Variants in ABCA13 observed in about 807,000 individuals in gnomAD.
ABCA13 encodes the protein ATP binding cassette subfamily A member 13.
In ABCA13, 476 loss-of-function variants were observed where a neutral mutation model predicts 478.7. The observed-to-expected ratio is 0.99, with a 90% confidence interval of 0.92 to 1.07. ABCA13 has a LOEUF of 1.07. ABCA13 is among the 50% of genes least tolerant of loss of function. The probability of loss-of-function intolerance (pLI) is 0.00; values close to 1 mark genes in which losing one functional copy is unlikely to be tolerated. For missense variants in ABCA13, 6,060 were observed against 5,910.6 expected (o/e 1.03, Z -0.83); for synonymous variants, 2,252 against 2,158.9 (o/e 1.04, Z -1.20).
At chr7:48,181,216 T>C (rs1583998081) in intron 1 of ABCA13, among the ~76,000 whole-genome samples, 1 of 152,220 alleles carries the variant, frequency 6.6e-6, no homozygotes, top group Admixed American at 6.5e-5. Context: ...GGAGTTAGTG[T>C]AAGAATGAAT....
intron 55 of ABCA13, among the ~76,000 whole-genome samples, chr7:48,567,410 A>G (rs948581108): frequency 3.3e-5 from 5 of 152,138 alleles, no homozygotes; most frequent in African/African-American, 1.2e-4. Context: ...TATGTTTTAG[A>G]ACATTTAAAA....
chr7:48,205,443 G>T (rs1031123011), intron 3 of ABCA13, among the ~76,000 whole-genome samples: 4 of 152,098 alleles, frequency 2.6e-5, no homozygotes, highest in Non-Finnish European at 5.9e-5. Flanking sequence ...TCTGCGTCTG[G>T]CTTCTCCAAC....
intron 42 of ABCA13, among the ~76,000 whole-genome samples, chr7:48,433,491 T>C (rs1044315375): frequency 3.3e-5 from 5 of 149,416 alleles, no homozygotes; most frequent in Admixed American, 6.7e-5. Flanking sequence ...ATTTATGTAT[T>C]ATATATGATA....
chr7:48,590,914 C>T (rs1789667333), intron 57 of ABCA13, among the ~76,000 whole-genome samples: 3 of 152,058 alleles, frequency 2.0e-5, no homozygotes, highest in African/African-American at 4.8e-5. Flanking sequence ...TTATCCCCCG[C>T]TGTAGTTTGT....
At chr7:48,346,608 C>T (rs937432950) in intron 29 of ABCA13, among the ~76,000 whole-genome samples, 2 of 151,988 alleles carry the variant, frequency 1.3e-5, no homozygotes, top group African/African-American at 4.8e-5. Flanking sequence ...TAAAGATATT[C>T]AGTTGGAGCC....
At chr7:48,551,891 T>G (rs983567548) in intron 55 of ABCA13, among the ~76,000 whole-genome samples, 2 of 151,778 alleles carry the variant, frequency 1.3e-5, no homozygotes, top group African/African-American at 2.4e-5. Flanking sequence ...ATTATCCTAC[T>G]GTCTTCTGAC....
rs1796321619 is a variant in ABCA13 at position 48,276,475 on chromosome 7, C to T, written c.6809C>T (p.Thr2270Ile). 1.2e-6 allele frequency: 2 copies of T among 1,604,912 alleles called. No homozygotes were observed. Among genetic ancestry groups the T allele is most frequent in the South Asian group, 2.2e-5 (2 of 89,724 alleles). The change falls in exon 17 of 62, where the codon ACA becomes ATA. Residue 2270 changes from threonine to isoleucine, a missense_variant. This residue lies in a region of ABCA13 where 4,423 missense variants were observed against 4,309.1 expected (regional missense o/e 1.03). Coordinates refer to ENST00000435803, the MANE Select transcript of ABCA13 (RefSeq NM_152701.5). ...GATTTCACAGAACAGTTTTTGAAAACATTCTTCTCCCTTTTTCTAAAGGAA... is the reference window on the plus strand; with the variant it reads ...GATTTCACAGAACAGTTTTTGAAAATATTCTTCTCCCTTTTTCTAAAGGAA... ...IVDFTEQFLKTFFSLFLKEDS... is the reference protein window; with the variant it reads ...IVDFTEQFLKIFFSLFLKEDS...
intron 3 of ABCA13, among the ~76,000 whole-genome samples, chr7:48,209,410 C>T (rs2128938738): frequency 6.6e-6 from 1 of 152,204 alleles, no homozygotes; most frequent in Non-Finnish European, 1.5e-5. Context: ...CCTTCCTCTT[C>T]AACCTTTTGG....
At chr7:48,531,651 A>G (rs193092745) in intron 55 of ABCA13, among the ~76,000 whole-genome samples, 12 of 149,692 alleles carry the variant, frequency 8.0e-5, no homozygotes, top group African/African-American at 2.9e-4. Flanking sequence ...ATTTGTTTGT[A>G]TCATCTATGA....
intron 48 of ABCA13, among the ~76,000 whole-genome samples, chr7:48,500,878 T>A (rs112438281): frequency 6.6e-6 from 1 of 152,178 alleles, no homozygotes; most frequent in Non-Finnish European, 1.5e-5. Flanking sequence ...TAGGTGACCT[T>A]ACACAGGACA....
At chr7:48,548,812 C>A (rs962966890) in intron 55 of ABCA13, among the ~76,000 whole-genome samples, 3 of 151,634 alleles carry the variant, frequency 2.0e-5, no homozygotes, top group African/African-American at 7.3e-5. Context: ...GCATGCCTTG[C>A]TTGCACAGCT....
At chr7:48,643,913 C>A (rs1795274092) in intron 60 of ABCA13, among the ~76,000 whole-genome samples, 1 of 152,146 alleles carries the variant, frequency 6.6e-6, no homozygotes, top group African/African-American at 2.4e-5. Flanking sequence ...GAATGGGAAT[C>A]TGCATTTTAA....
chr7:48,516,040 C>T (rs1832081842), intron 51 of ABCA13, among the ~76,000 whole-genome samples: 1 of 151,924 alleles, frequency 6.6e-6, no homozygotes, highest in African/African-American at 2.4e-5. Flanking sequence ...CTCTGAAGCC[C>T]CAGGAAGAGT....
At chr7:48,330,485 G>A (rs796197669) in intron 27 of ABCA13, among the ~76,000 whole-genome samples, 48 of 134,970 alleles carry the variant, frequency 3.6e-4, no homozygotes, top group African/African-American at 6.8e-4. Flanking sequence ...CCATCCATCC[G>A]TCCATCCATC....
chr7:48,193,112 C>A, intron 2 of ABCA13, 60 bp downstream of exon 2: 1 of 1,222,550 alleles, frequency 8.2e-7, no homozygotes, highest in Non-Finnish European at 1.1e-6. Flanking sequence ...AAACTCATAG[C>A]ACTCTTTCTT....
chr7:48,431,476 A>T (rs935951104), intron 42 of ABCA13, among the ~76,000 whole-genome samples: 3 of 152,196 alleles, frequency 2.0e-5, no homozygotes, highest in Non-Finnish European at 4.4e-5. Flanking sequence ...ATCTGTTGTG[A>T]TAGGTGGTGT....
intron 2 of ABCA13, among the ~76,000 whole-genome samples, chr7:48,196,366 A>G (rs1562752587): frequency 1.3e-5 from 2 of 152,212 alleles, no homozygotes; most frequent in African/African-American, 2.4e-5. Context: ...AGGCTTTGTC[A>G]GAGCCTCAAG....
intron 58 of ABCA13, among the ~76,000 whole-genome samples, chr7:48,599,381 T>A (rs1242262865): frequency 4.6e-5 from 7 of 152,140 alleles, no homozygotes; most frequent in East Asian, 3.9e-4. Context: ...GTTTTTTTTT[T>A]ATAAAACACC....
intron 1 of ABCA13, among the ~76,000 whole-genome samples, chr7:48,187,506 TG>T (rs1333909418): frequency 6.6e-6 from 1 of 152,056 alleles, no homozygotes; most frequent in Non-Finnish European, 1.5e-5. Flanking sequence ...TTCTTTACTT[TG>T]GGGGTGCCAA....
Sources: allele counts gnomAD v4.1 joint callset (sites outside exome capture counted in the v4.1 genomes callset), GRCh38; gene constraint gnomAD v4.1.1; regional missense constraint gnomAD v4.1.1; transcripts MANE v1.5; gene names NCBI Gene and HGNC (gene_info 2026-07-23, HGNC 2026-07-21).